Variants in GALNT13 observed in about 807,000 individuals in gnomAD.
GALNT13 encodes the protein polypeptide N-acetylgalactosaminyltransferase 13.
In GALNT13, 28 loss-of-function variants were observed where a neutral mutation model predicts 64.2. The observed-to-expected ratio is 0.44, with a 90% CI of 0.32 to 0.60. The LOEUF is 0.60. Among genes scored for constraint, GALNT13 ranks in the 20% least tolerant of loss-of-function variants. GALNT13 has a pLI of 0.05. For synonymous variants in GALNT13, 214 were observed against 224.6 expected, an observed-to-expected ratio of 0.95 and a Z score of 0.42; for missense variants, 577 against 669.8, an observed-to-expected ratio of 0.86 and a Z score of 1.53.
intron 4 of GALNT13, among the ~76,000 whole-genome samples, chr2:154,229,584 T>G (rs991101508): frequency 6.6e-6 from 1 of 151,966 alleles, no homozygotes; most frequent in South Asian, 2.1e-4. Flanking sequence ...TATATAAAAT[T>G]TACTGGGAGA....
the GALNT13 span, among the ~76,000 whole-genome samples, chr2:153,098,070 C>A: frequency 6.6e-6 from 1 of 152,088 alleles, no homozygotes; most frequent in Non-Finnish European, 1.5e-5. Context: ...CGTCTCAAAT[C>A]AAAACAAAAC....
At chr2:154,219,191 T>C (rs1688198858) in intron 4 of GALNT13, among the ~76,000 whole-genome samples, 1 of 152,120 alleles carries the variant, frequency 6.6e-6, no homozygotes, top group Non-Finnish European at 1.5e-5. Flanking sequence ...CTAACATTTA[T>C]TGAGTACTGA....
the GALNT13 span, among the ~76,000 whole-genome samples, chr2:153,702,658 A>T: frequency 6.6e-6 from 1 of 152,116 alleles, no homozygotes; most frequent in Non-Finnish European, 1.5e-5. Context: ...GGCTAGAACA[A>T]CAGGAATAGT....
At chr2:153,430,894 G>A in the GALNT13 span, among the ~76,000 whole-genome samples, 1 of 152,214 alleles carries the variant, frequency 6.6e-6, no homozygotes, top group African/African-American at 2.4e-5. Context: ...GCTCACGCCT[G>A]TAATTCCAGC....
intron 3 of GALNT13, among the ~76,000 whole-genome samples, chr2:154,006,615 A>G (rs2105235097): frequency 6.6e-6 from 1 of 152,318 alleles, no homozygotes; most frequent in Admixed American, 6.5e-5. Context: ...AAAACTGGTT[A>G]ATATTTTTTA....
chr2:153,435,984 T>A, the GALNT13 span, among the ~76,000 whole-genome samples: 1 of 152,206 alleles, frequency 6.6e-6, no homozygotes, highest in Non-Finnish European at 1.5e-5. Flanking sequence ...TAGCTCTTAT[T>A]ATTTTGAGAT....
the GALNT13 span, among the ~76,000 whole-genome samples, chr2:153,482,064 A>T: frequency 6.6e-6 from 1 of 152,206 alleles, no homozygotes; most frequent in Non-Finnish European, 1.5e-5. Context: ...AGTTTATTGA[A>T]CCACCAAAAT....
the GALNT13 span, among the ~76,000 whole-genome samples, chr2:153,563,131 CT>C: frequency 6.6e-6 from 1 of 151,466 alleles, no homozygotes; most frequent in Non-Finnish European, 1.5e-5. Context: ...CCTTGATATC[CT>C]TTGTTTTTCT....
chr2:153,823,403 A>G, the GALNT13 span, among the ~76,000 whole-genome samples: 2 of 152,220 alleles, frequency 1.3e-5, no homozygotes, highest in African/African-American at 4.8e-5. Context: ...CCAAAACAGC[A>G]TGGTACTGGT....
At chr2:153,870,036 T>G (rs1013072103), upstream of GALNT13, among the ~76,000 whole-genome samples, 1 of 151,874 alleles carries the variant, frequency 6.6e-6, no homozygotes, top group Non-Finnish European at 1.5e-5. Flanking sequence ...GACTAATAAG[T>G]ATGCCACACC....
At chr2:154,102,160 T>C (rs574984904) in intron 3 of GALNT13, among the ~76,000 whole-genome samples, 1 of 152,312 alleles carries the variant, frequency 6.6e-6, no homozygotes, top group East Asian at 1.9e-4. Flanking sequence ...ATTAGTTCCA[T>C]TTGGTCTAAA....
At chr2:153,575,737 C>T in the GALNT13 span, among the ~76,000 whole-genome samples, 1 of 151,338 alleles carries the variant, frequency 6.6e-6, no homozygotes, top group African/African-American at 2.5e-5. Context: ...CTGGGACTCA[C>T]CCTTTGGGAC....
At chr2:153,876,025 A>G (rs1686344138) in intron 1 of GALNT13, among the ~76,000 whole-genome samples, 2 of 152,166 alleles carry the variant, frequency 1.3e-5, no homozygotes, top group African/African-American at 4.8e-5. Context: ...TGAAGTCTGA[A>G]TGACCATATG....
chr2:153,869,967 G>C (rs182682174), upstream of GALNT13, among the ~76,000 whole-genome samples: 548 of 152,062 alleles, frequency 3.6e-3, 5 homozygotes, highest in African/African-American at 0.013. Flanking sequence ...GCCTATTGAA[G>C]GATGATGGGC....
At chr2:153,641,958 A>G in the GALNT13 span, among the ~76,000 whole-genome samples, 1 of 151,930 alleles carries the variant, frequency 6.6e-6, no homozygotes, top group Non-Finnish European at 1.5e-5. Flanking sequence ...ATTTAATAAC[A>G]TTTTTCAAGA....
At position 154,351,106 on chromosome 2, in the gene GALNT13, C is replaced by T. The variant is rs114026815; in HGVS notation, c.1157-44885C>T. Among the ~76,000 whole-genome samples, 1,181 of 152,164 alleles carry T rather than the reference C, an allele frequency of 7.8e-3. 13 individuals are homozygous for T. The highest frequency in any genetic ancestry group is 0.027 in the African/African-American group (1,123 of 41,504). On this transcript the variant is annotated intron_variant, in intron 9 of 12. Coordinates refer to ENST00000392825, the MANE Select transcript of GALNT13 (RefSeq NM_052917.4). ...AGGTTCACGTGTGCCATGTAAGAGC[C>T]TGAGTCTGCATCAGGAAGCACTTGA...
the GALNT13 span, among the ~76,000 whole-genome samples, chr2:153,071,258 A>G: frequency 6.6e-6 from 1 of 152,366 alleles, no homozygotes; most frequent in African/African-American, 2.4e-5. Context: ...CTTGATATAA[A>G]ACAGGTAGCC....
the GALNT13 span, among the ~76,000 whole-genome samples, chr2:153,798,529 A>T: frequency 6.6e-6 from 1 of 152,196 alleles, no homozygotes; most frequent in African/African-American, 2.4e-5. Context: ...AAATTTAATT[A>T]CAAAATATTT....
chr2:153,289,582 C>T, the GALNT13 span, among the ~76,000 whole-genome samples: 2 of 152,226 alleles, frequency 1.3e-5, no homozygotes, highest in African/African-American at 4.8e-5. Context: ...TGTATCAGTC[C>T]ACTCTCATCT....
Sources: allele counts gnomAD v4.1 joint callset (sites outside exome capture counted in the v4.1 genomes callset), GRCh38; gene constraint gnomAD v4.1.1; transcripts MANE v1.5; gene names NCBI Gene and HGNC (gene_info 2026-07-23, HGNC 2026-07-21).